KCNN3: variants seen among roughly 807,000 people sequenced by gnomAD.
KCNN3 encodes the protein small conductance calcium-activated potassium channel protein 3.
In KCNN3, 16 loss-of-function variants were observed where a neutral mutation model predicts 62.9. The ratio of observed to expected loss-of-function variants is 0.25; its 90% CI spans 0.17 to 0.39. KCNN3 has a LOEUF of 0.39. KCNN3 is among the 10% of genes least tolerant of loss of function. The pLI is 1.00. For synonymous variants in KCNN3, 370 were observed against 389.2 expected (o/e 0.95, Z 0.58); for missense variants, 599 against 949.4 (o/e 0.63, Z 4.85).
intron 1 of KCNN3, among the ~76,000 whole-genome samples, chr1:154,867,570 T>A (rs935124694): frequency 6.6e-6 from 1 of 151,686 alleles, no homozygotes; most frequent in African/African-American, 2.4e-5. Flanking sequence ...ATGGGGGAAA[T>A]CCGATCAGCA....
chr1:154,811,928 G>A (rs1352240983), intron 2 of KCNN3, among the ~76,000 whole-genome samples: 2 of 152,212 alleles, frequency 1.3e-5, no homozygotes, highest in South Asian at 2.1e-4. Context: ...AGTGCTCTTC[G>A]TTAGGCACAG....
chr1:154,702,702 TATATATATA>T lies in KCNN3; in HGVS notation c.*5265_*5273del, dbSNP rs1418455534. Reference sequence around the variant, plus strand: ...GTTGGCTGCTTCGATCTGATTCAGATATATATATATATATATATATATATATATATATAT... The same window carrying T: ...GTTGGCTGCTTCGATCTGATTCAGATTATATATATATATATATATATATAT... On this transcript the variant is annotated 3_prime_UTR_variant, in exon 8 of 8. Coordinates refer to ENST00000271915, the MANE Select transcript of KCNN3 (RefSeq NM_002249.6). 2 of 2,086 alleles carry T rather than the reference TATATATATA, an allele frequency of 9.6e-4. No homozygotes were observed. The highest frequency in any genetic ancestry group is 2.3e-3 in the African/African-American group (2 of 856). The allele number at this position is 2,086 out of a possible 1,614,324, so 0.1% of individuals were successfully genotyped here. A position where few individuals can be genotyped will look rare whatever the true frequency, so the allele number is the denominator to read the frequency against.
At chr1:154,782,878 T>C (rs1285742524) in intron 2 of KCNN3, among the ~76,000 whole-genome samples, 1 of 152,158 alleles carries the variant, frequency 6.6e-6, no homozygotes, top group South Asian at 2.1e-4. Flanking sequence ...AAGCAGGCAC[T>C]CTATTTGGGG....
At chr1:154,811,038 A>T (rs1650385941) in intron 2 of KCNN3, among the ~76,000 whole-genome samples, 2 of 152,254 alleles carry the variant, frequency 1.3e-5, no homozygotes, top group South Asian at 4.1e-4. Flanking sequence ...GACTGTCGCC[A>T]AGAATCACTG....
At chr1:154,810,239 C>A (rs1650348025) in intron 2 of KCNN3, among the ~76,000 whole-genome samples, 1 of 152,088 alleles carries the variant, frequency 6.6e-6, no homozygotes, top group Non-Finnish European at 1.5e-5. Flanking sequence ...CACTGGCAGC[C>A]CAAGGCACAG....
intron 3 of KCNN3, among the ~76,000 whole-genome samples, chr1:154,754,960 GAGA>G (rs1647566605): frequency 6.6e-6 from 1 of 152,196 alleles, no homozygotes; most frequent in South Asian, 2.1e-4. Flanking sequence ...ATCAGTACAG[GAGA>G]AGATGTATAT....
chr1:154,755,193 A>AT, intron 3 of KCNN3, among the ~76,000 whole-genome samples: 1 of 152,166 alleles, frequency 6.6e-6, no homozygotes. Context: ...CAAAAGCACC[A>AT]GGCATGGTGG....
chr1:154,836,488 T>A (rs1412843451), intron 1 of KCNN3, among the ~76,000 whole-genome samples: 15 of 152,208 alleles, frequency 9.9e-5, no homozygotes, highest in Non-Finnish European at 2.1e-4. Flanking sequence ...CCGACCCCAC[T>A]TGCCAGGGCA....
chr1:154,755,564 AAG>A (rs796899396), intron 3 of KCNN3, among the ~76,000 whole-genome samples: 38 of 101,914 alleles, frequency 3.7e-4, no homozygotes, highest in African/African-American at 9.0e-4. Context: ...GAAAGAAAGA[AAG>A]AGAGAGAGAG....
chr1:154,726,337 A>G (rs1033767472), intron 4 of KCNN3, among the ~76,000 whole-genome samples: 5 of 152,308 alleles, frequency 3.3e-5, no homozygotes, highest in African/African-American at 1.2e-4. Context: ...GGTTTAACCA[A>G]CAACTAAGCA....
At chr1:154,774,373 C>A (rs1425659734) in intron 2 of KCNN3, among the ~76,000 whole-genome samples, 1 of 152,190 alleles carries the variant, frequency 6.6e-6, no homozygotes, top group African/African-American at 2.4e-5. Context: ...TCCGGTAAGT[C>A]CCACTGTGGA....
At chr1:154,829,109 G>A (rs571988117) in intron 1 of KCNN3, among the ~76,000 whole-genome samples, 41 of 152,294 alleles carry the variant, frequency 2.7e-4, no homozygotes, top group South Asian at 6.2e-4. Context: ...TCATCGCCCC[G>A]TCACCTTGAC....
At chr1:154,797,470 G>A (rs1306741583) in intron 2 of KCNN3, among the ~76,000 whole-genome samples, 1 of 152,166 alleles carries the variant, frequency 6.6e-6, no homozygotes, top group African/African-American at 2.4e-5. Flanking sequence ...AACTTTCAGA[G>A]GTCGCCCTTG....
chr1:154,748,292 C>T (rs189239472), intron 3 of KCNN3, among the ~76,000 whole-genome samples: 18 of 152,232 alleles, frequency 1.2e-4, no homozygotes, highest in African/African-American at 3.6e-4. Context: ...CTGCCGCCCG[C>T]GCCTGCAAGC....
intron 3 of KCNN3, 40 bp from the exon 4 acceptor site, chr1:154,733,184 T>C (rs779821076): frequency 3.1e-6 from 5 of 1,612,156 alleles, no homozygotes; most frequent in Non-Finnish European, 3.4e-6. Flanking sequence ...TGAACAGCCA[T>C]TCCTGGGAGT....
At chr1:154,736,016 G>A (rs1412808570) in intron 3 of KCNN3, among the ~76,000 whole-genome samples, 1 of 152,174 alleles carries the variant, frequency 6.6e-6, no homozygotes, top group East Asian at 1.9e-4. Flanking sequence ...ATAAGTCTTG[G>A]GTAAGGTCTG....
intron 3 of KCNN3, among the ~76,000 whole-genome samples, chr1:154,758,820 GTTTT>G (rs1280549514): frequency 2.9e-5 from 4 of 139,182 alleles, no homozygotes; most frequent in Non-Finnish European, 6.7e-5. Flanking sequence ...TTTTGTTTTT[GTTTT>G]TGAGATGGAG....
intron 2 of KCNN3, among the ~76,000 whole-genome samples, chr1:154,818,649 G>A (rs1046029930): frequency 2.0e-5 from 3 of 152,168 alleles, no homozygotes; most frequent in African/African-American, 7.2e-5. Flanking sequence ...GCAACGTAGC[G>A]CCGTCTTGGA....
intron 5 of KCNN3, among the ~76,000 whole-genome samples, chr1:154,719,696 A>C (rs1700305517): frequency 6.6e-6 from 1 of 151,992 alleles, no homozygotes; most frequent in Non-Finnish European, 1.5e-5. Context: ...AGGACTAGAG[A>C]AGGGGGCTGG....
Sources: allele counts gnomAD v4.1 joint callset (sites outside exome capture counted in the v4.1 genomes callset), GRCh38; gene constraint gnomAD v4.1.1; transcripts MANE v1.5; gene names NCBI Gene and HGNC (gene_info 2026-07-23, HGNC 2026-07-21).